GNG12: variants seen among roughly 807,000 people sequenced by gnomAD.
GNG12 encodes guanine nucleotide-binding protein G(I)/G(S)/G(O) subunit gamma-12.
For missense variants in GNG12, 69 were observed against 83.8 expected, an observed-to-expected ratio of 0.82 and a Z score of 0.69; for synonymous variants, 28 against 29.7, an observed-to-expected ratio of 0.94 and a Z score of 0.19.
At chr1:67,783,557 T>G (rs920817988) in intron 1 of GNG12, among the ~76,000 whole-genome samples, 1 of 152,070 alleles carries the variant, frequency 6.6e-6, no homozygotes, top group African/African-American at 2.4e-5. Context: ...AGAAAATTTT[T>G]GCAACCTACT....
chr1:67,782,486 A>C (rs1646743370), intron 1 of GNG12, among the ~76,000 whole-genome samples: 1 of 152,124 alleles, frequency 6.6e-6, no homozygotes, highest in South Asian at 2.1e-4. Context: ...TGGCTGGAAG[A>C]GCTGGTCTAA....
At chr1:67,738,298 T>C (rs1215686611) in intron 2 of GNG12, among the ~76,000 whole-genome samples, 1 of 152,228 alleles carries the variant, frequency 6.6e-6, no homozygotes, top group African/African-American at 2.4e-5. Flanking sequence ...AAGCAAATTA[T>C]CAGTTAGTGA....
rs542453852 is a variant in GNG12 at position 67,824,343 on chromosome 1, C to T, written c.-77+9001G>A. The stretch of plus-strand genomic sequence containing the variant: ...TGGGCAACATGGTAAAACCCCATTT[C>T]TACAAAAAACACAAAAGTTTGCCAG... On this transcript the variant is annotated intron_variant, in intron 1 of 3. Transcript: ENST00000370982. Among the ~76,000 whole-genome samples the T allele has an allele frequency of 1.1e-4, 16 of 151,776 alleles. No individual in the cohort carries two copies. The South Asian group carries it at 3.3e-3, about 32-fold the overall frequency.
At chr1:67,732,275 C>T (rs867374855) in intron 2 of GNG12, among the ~76,000 whole-genome samples, 4 of 152,190 alleles carry the variant, frequency 2.6e-5, no homozygotes, top group African/African-American at 7.2e-5. Context: ...AACTGACTAT[C>T]GGGGGACCCC....
intron 2 of GNG12, among the ~76,000 whole-genome samples, chr1:67,745,456 C>T (rs1372097464): frequency 1.3e-5 from 2 of 152,196 alleles, no homozygotes; most frequent in South Asian, 4.1e-4. Flanking sequence ...GGCAGCATGG[C>T]ATTGGGAAGG....
rs1050988063 is a variant in GNG12 at position 67,705,685 on chromosome 1, T to A, written c.94-109A>T. 2.6e-5 allele frequency: 36 copies of A among 1,401,356 alleles called. No homozygotes were observed. The African/African-American group carries it at 3.5e-4, about 14-fold the overall frequency. The allele number at this position is 1,401,356 out of a possible 1,614,324, so 86.8% of individuals were successfully genotyped here. A position where few individuals can be genotyped will look rare whatever the true frequency, so the allele number is the denominator to read the frequency against. On this transcript the variant is annotated intron_variant, in intron 3 of 3. Transcript: ENST00000370982. ...GAATGGAAGACTGATTTGAACAAGA[T>A]AATCAGAGTCTCAAAGCATCACTCT...
At chr1:67,801,591 C>T (rs1646866002) in intron 1 of GNG12, among the ~76,000 whole-genome samples, 1 of 152,108 alleles carries the variant, frequency 6.6e-6, no homozygotes, top group Non-Finnish European at 1.5e-5. Flanking sequence ...AGATTATACC[C>T]AGCGATACCT....
intron 2 of GNG12, among the ~76,000 whole-genome samples, chr1:67,734,942 C>T (rs1473241902): frequency 6.6e-6 from 1 of 152,132 alleles, no homozygotes; most frequent in Non-Finnish European, 1.5e-5. Flanking sequence ...TAACCTCTGC[C>T]TCCTGACTTC....
chr1:67,724,924 T>C (rs1166364241), intron 2 of GNG12, among the ~76,000 whole-genome samples: 1 of 152,222 alleles, frequency 6.6e-6, no homozygotes, highest in Non-Finnish European at 1.5e-5. Flanking sequence ...TCATAACATA[T>C]TATATGATAA....
chr1:67,794,070 G>A (rs1009391632), intron 1 of GNG12, among the ~76,000 whole-genome samples: 3 of 152,108 alleles, frequency 2.0e-5, no homozygotes, highest in Non-Finnish European at 4.4e-5. Flanking sequence ...CACCAAATGG[G>A]GGCTCGCAAA....
At chr1:67,754,890 C>A (rs1479033905) in intron 2 of GNG12, among the ~76,000 whole-genome samples, 1 of 152,216 alleles carries the variant, frequency 6.6e-6, no homozygotes, top group East Asian at 1.9e-4. Context: ...CTCCTCTCTG[C>A]TGGTAGAACA....
chr1:67,736,968 G>A (rs1424294206), intron 2 of GNG12, among the ~76,000 whole-genome samples: 1 of 152,188 alleles, frequency 6.6e-6, no homozygotes, highest in Non-Finnish European at 1.5e-5. Context: ...AGGGTTGGAG[G>A]AGTGAGTGAG....
chr1:67,722,477 T>A (rs1646361632), intron 2 of GNG12, among the ~76,000 whole-genome samples: 1 of 151,966 alleles, frequency 6.6e-6, no homozygotes, highest in African/African-American at 2.4e-5. Flanking sequence ...TGTAAGTGGG[T>A]CAGTAAAACA....
intron 2 of GNG12, among the ~76,000 whole-genome samples, chr1:67,737,622 T>A (rs557805945): frequency 2.6e-5 from 4 of 151,356 alleles, no homozygotes; most frequent in South Asian, 4.1e-4. Context: ...TTTTTTTTTT[T>A]AAATGTATAA....
At chr1:67,829,424 T>C (rs1023520639) in intron 1 of GNG12, among the ~76,000 whole-genome samples, 1 of 152,260 alleles carries the variant, frequency 6.6e-6, no homozygotes, top group African/African-American at 2.4e-5. Flanking sequence ...TTTTAAGTAC[T>C]ATTTGGCAGG....
chr1:67,810,206 C>T (rs940953454), intron 1 of GNG12, among the ~76,000 whole-genome samples: 2 of 152,180 alleles, frequency 1.3e-5, no homozygotes, highest in African/African-American at 4.8e-5. Context: ...ATTTGACATT[C>T]CACTATGGAG....
chr1:67,705,689 CA>C, intron 3 of GNG12, 113 bp from the exon 4 acceptor site: 1 of 1,406,400 alleles, frequency 7.1e-7, no homozygotes, highest in Non-Finnish European at 9.3e-7. Context: ...ACAAGATAAT[CA>C]GAGTCTCAAA....
intron 1 of GNG12, among the ~76,000 whole-genome samples, chr1:67,819,892 C>T (rs1205840397): frequency 1.3e-5 from 2 of 152,110 alleles, no homozygotes; most frequent in African/African-American, 4.8e-5. Flanking sequence ...CTCAAATGTC[C>T]CCTCCAAAGA....
chr1:67,763,690 A>G (rs1416665477), intron 2 of GNG12, among the ~76,000 whole-genome samples: 1 of 152,060 alleles, frequency 6.6e-6, no homozygotes, highest in East Asian at 1.9e-4. Context: ...CATTTTACAC[A>G]AGCATGTCCT....
Sources: gnomAD v4.1 joint callset for allele counts (sites outside exome capture counted in the v4.1 genomes callset) on GRCh38, gnomAD v4.1.1 for gene constraint, MANE v1.5 for transcripts, NCBI Gene and HGNC (gene_info 2026-07-23, HGNC 2026-07-21) for gene names.